Variants in EBPL observed in about 807,000 individuals in gnomAD.
EBPL encodes emopamil-binding protein-like.
Under a neutral mutation model 19.0 loss-of-function variants are expected in EBPL, and 20 were observed. The ratio of observed to expected loss-of-function variants is 1.05; its 90% CI spans 0.74 to 1.53. EBPL has a LOEUF of 1.53. Ranked by LOEUF, EBPL falls within the 40% of genes most tolerant of loss-of-function variation. EBPL has a pLI of 0.00. For synonymous variants in EBPL, 107 were observed against 117.0 expected (o/e 0.91, Z 0.55); for missense variants, 219 against 261.1 (o/e 0.84, Z 1.11).
At chr13:49,683,485 C>A (rs990572664) in intron 1 of EBPL, among the ~76,000 whole-genome samples, 1 of 151,962 alleles carries the variant, frequency 6.6e-6, no homozygotes, top group Non-Finnish European at 1.5e-5. Context: ...GAGCCGATCG[C>A]ACCACTGCAC....
chr13:49,661,475 C>T (rs916900237), intron 3 of EBPL, among the ~76,000 whole-genome samples: 2 of 152,096 alleles, frequency 1.3e-5, no homozygotes. Context: ...CTGACCCATT[C>T]TTGGGGAAAT....
intron 1 of EBPL, among the ~76,000 whole-genome samples, chr13:49,688,423 G>A (rs1252041496): frequency 6.6e-6 from 1 of 152,112 alleles, no homozygotes; most frequent in Non-Finnish European, 1.5e-5. Flanking sequence ...CTCTCTTTAA[G>A]AAGTGTCAGG....
chr13:49,686,455 C>A, intron 1 of EBPL: 2 of 1,283,536 alleles, frequency 1.6e-6, no homozygotes, highest in Admixed American at 2.3e-5. Context: ...CATTGACTTC[C>A]TGGTTGCCAG....
intron 1 of EBPL, among the ~76,000 whole-genome samples, chr13:49,688,361 G>C (rs566659529): frequency 1.4e-3 from 208 of 152,234 alleles, no homozygotes; most frequent in Non-Finnish European, 2.5e-3. Context: ...GCTTGAAACT[G>C]TCCAACAGGA....
intron 1 of EBPL, among the ~76,000 whole-genome samples, chr13:49,689,374 G>C (rs1171349422): frequency 1.3e-5 from 2 of 152,098 alleles, no homozygotes; most frequent in Non-Finnish European, 2.9e-5. Context: ...TCCCAAGATA[G>C]AGTCTTGCTC....
At chr13:49,666,976 G>GA (rs1965238725) in intron 2 of EBPL, among the ~76,000 whole-genome samples, 1 of 152,142 alleles carries the variant, frequency 6.6e-6, no homozygotes, top group Non-Finnish European at 1.5e-5. Flanking sequence ...GATCTGAGTG[G>GA]AAAATAAGGG....
At chr13:49,662,134 C>T (rs957340126) in intron 3 of EBPL, among the ~76,000 whole-genome samples, 2 of 152,164 alleles carry the variant, frequency 1.3e-5, no homozygotes, top group Non-Finnish European at 2.9e-5. Flanking sequence ...CTGGGACTTA[C>T]AGGCACCCGC....
Position 49,663,210 on chromosome 13 carries a change from C to A in EBPL, c.242-15G>T, listed in dbSNP as rs1469773818. 6.2e-7 allele frequency: 1 copy of A among 1,611,696 alleles called. No individual in the cohort carries two copies. Among genetic ancestry groups the A allele is most frequent in the Non-Finnish European group, 8.5e-7 (1 of 1,177,932 alleles). On this transcript the variant is annotated splice_polypyrimidine_tract_variant and intron_variant, in intron 2 of 3. Transcript: ENST00000242827. ...ATATTCTTTCCCTAAAGACAAAATC[C>A]ATGTTGTTACTCAAATGGCAACAAT... is the stretch of plus-strand genomic sequence containing the variant.
intron 2 of EBPL, chr13:49,668,170 G>A (rs989644744): frequency 1.3e-5 from 2 of 153,248 alleles, no homozygotes; most frequent in African/African-American, 4.8e-5. Flanking sequence ...CTTTTCCTTT[G>A]GGAAGTACTA....
At chr13:49,675,332 G>A (rs887746472) in intron 1 of EBPL, among the ~76,000 whole-genome samples, 4 of 152,214 alleles carry the variant, frequency 2.6e-5, no homozygotes, top group Non-Finnish European at 5.9e-5. Context: ...CATTATGACA[G>A]CTATGATGTC....
At chr13:49,690,338 T>C (rs1954047841) in intron 1 of EBPL, among the ~76,000 whole-genome samples, 1 of 150,504 alleles carries the variant, frequency 6.6e-6, no homozygotes, top group Non-Finnish European at 1.5e-5. Flanking sequence ...TACCCAAAAC[T>C]CGGCTTGCTT....
intron 1 of EBPL, among the ~76,000 whole-genome samples, chr13:49,676,312 C>A (rs1953874946): frequency 6.6e-6 from 1 of 152,220 alleles, no homozygotes; most frequent in Non-Finnish European, 1.5e-5. Context: ...CCTAGTGAGG[C>A]CGGGTGCAGT....
intron 1 of EBPL, among the ~76,000 whole-genome samples, chr13:49,683,341 C>A (rs1953962289): frequency 6.6e-6 from 1 of 151,878 alleles, no homozygotes; most frequent in South Asian, 2.1e-4. Context: ...CCCTGGCTAA[C>A]ACGGTGAAAC....
At chr13:49,691,034 A>T (rs1220998090) in intron 1 of EBPL, among the ~76,000 whole-genome samples, 1 of 152,230 alleles carries the variant, frequency 6.6e-6, no homozygotes, top group African/African-American at 2.4e-5. Context: ...TTGGTGGAGG[A>T]ATCGGCAGCA....
intron 2 of EBPL, among the ~76,000 whole-genome samples, chr13:49,664,309 G>A (rs1965195323): frequency 6.6e-6 from 1 of 152,166 alleles, no homozygotes; most frequent in Admixed American, 6.6e-5. Flanking sequence ...AAGGGACAGT[G>A]GGCAGGGAGG....
At chr13:49,677,810 T>C (rs917094067) in intron 1 of EBPL, among the ~76,000 whole-genome samples, 3 of 152,200 alleles carry the variant, frequency 2.0e-5, no homozygotes, top group Non-Finnish European at 4.4e-5. Context: ...ACTTCAAGAA[T>C]GAAGCCGTGG....
intron 2 of EBPL, among the ~76,000 whole-genome samples, chr13:49,665,779 A>G (rs1387627067): frequency 6.6e-6 from 1 of 151,412 alleles, no homozygotes; most frequent in Non-Finnish European, 1.5e-5. Context: ...AGCTGCAAGT[A>G]GGACCATGTT....
intron 1 of EBPL, among the ~76,000 whole-genome samples, chr13:49,684,761 C>T (rs1477112491): frequency 6.6e-6 from 1 of 152,122 alleles, no homozygotes; most frequent in African/African-American, 2.4e-5. Flanking sequence ...CTTTAAGAGA[C>T]TGTAACAGAA....
At chr13:49,662,398 T>G (rs1965163779) in intron 3 of EBPL, among the ~76,000 whole-genome samples, 1 of 152,202 alleles carries the variant, frequency 6.6e-6, no homozygotes, top group African/African-American at 2.4e-5. Flanking sequence ...TAATTTACTT[T>G]TTGTCAAGTG....
Sources: allele counts gnomAD v4.1 joint callset (sites outside exome capture counted in the v4.1 genomes callset), GRCh38; gene constraint gnomAD v4.1.1; transcripts MANE v1.5; gene names NCBI Gene and HGNC (gene_info 2026-07-23, HGNC 2026-07-21).